ZMYND11: variants seen among roughly 807,000 people sequenced by gnomAD.
ZMYND11 encodes zinc finger MYND-type containing 11.
ZMYND11 carries 9 observed loss-of-function variants against 84.9 expected under a neutral mutation model. The ratio of observed to expected loss-of-function variants is 0.11; its 90% CI spans 0.06 to 0.18. ZMYND11 has a LOEUF of 0.18. Among genes scored for constraint, ZMYND11 ranks in the 10% least tolerant of loss-of-function variants. ZMYND11 has a pLI of 1.00. For missense variants in ZMYND11, 409 were observed against 761.0 expected, an observed-to-expected ratio of 0.54 and a Z score of 5.44; for synonymous variants, 250 against 244.1, an observed-to-expected ratio of 1.02 and a Z score of -0.23.
At chr10:246,238 A>G (rs1952128690) in intron 10 of ZMYND11, among the ~76,000 whole-genome samples, 1 of 152,240 alleles carries the variant, frequency 6.6e-6, no homozygotes, top group Admixed American at 6.5e-5. Flanking sequence ...GCATGATACA[A>G]ATATGACTTA....
rs1471461716 is a variant in ZMYND11 at position 135,998 on chromosome 10, C to T, written c.-20+439C>T. Among the ~76,000 whole-genome samples, 14 of 151,090 alleles carry T rather than the reference C, an allele frequency of 9.3e-5. No homozygotes were observed. Among genetic ancestry groups the T allele is most frequent in the African/African-American group, 3.4e-4 (14 of 41,500 alleles). On this transcript the variant is annotated intron_variant, in intron 1 of 14. Transcript: ENST00000381604. The surrounding 1 kb of genome is among the most constrained non-coding windows in gnomAD (Gnocchi z 5.6). Reference sequence around the variant, plus strand: ...GGGGAACGCGGCTCCGGGCGTGTGGCGGGCGGAGAGGAAGCGTTTGTCGGC... The same window carrying T: ...GGGGAACGCGGCTCCGGGCGTGTGGTGGGCGGAGAGGAAGCGTTTGTCGGC...
chr10:200,362 A>G (rs1260326977), intron 2 of ZMYND11, among the ~76,000 whole-genome samples: 2 of 146,442 alleles, frequency 1.4e-5, no homozygotes, highest in African/African-American at 5.0e-5. Context: ...ATATGTGTAT[A>G]TATGTGTATA....
chr10:213,974 A>G (rs987237797), intron 3 of ZMYND11, among the ~76,000 whole-genome samples: 1 of 152,160 alleles, frequency 6.6e-6, no homozygotes, highest in South Asian at 2.1e-4. Flanking sequence ...TAACTATATA[A>G]TATGTCAGGA....
chr10:248,808 G>A, intron 13 of ZMYND11, 95 bp from the exon 14 acceptor site: 2 of 1,468,066 alleles, frequency 1.4e-6, no homozygotes, highest in Non-Finnish European at 1.8e-6. Context: ...GGGAAAAAAG[G>A]TACCTCATGC....
intron 4 of ZMYND11, among the ~76,000 whole-genome samples, chr10:231,556 C>T (rs1344216705): frequency 1.3e-5 from 2 of 152,058 alleles, no homozygotes; most frequent in South Asian, 2.1e-4. Flanking sequence ...TCCTGAATGC[C>T]CCTTTAAGTA....
At chr10:136,329 G>C (rs575957707) in intron 1 of ZMYND11, among the ~76,000 whole-genome samples, 28 of 152,340 alleles carry the variant, frequency 1.8e-4, no homozygotes, top group African/African-American at 6.5e-4. Flanking sequence ...CGATGTGTGC[G>C]CCGTGCCCGG....
rs1433775253 is a variant in ZMYND11, at chr10:248,324, C to A, written c.1228-12C>A. On this transcript the variant is annotated splice_polypyrimidine_tract_variant and intron_variant, in intron 12 of 14. Transcript: ENST00000381604. ...CTTCGTTTGGCGTCTAAACTCTTGT[C>A]TCACCTTTTAGGAACCAGAGCCTGA... is the stretch of plus-strand genomic sequence containing the variant. 1.2e-6 allele frequency: 2 copies of A among 1,610,364 alleles called. No individual in the cohort carries two copies.
chr10:153,209 C>T (rs1840842620), intron 1 of ZMYND11, among the ~76,000 whole-genome samples: 3 of 152,138 alleles, frequency 2.0e-5, no homozygotes, highest in Admixed American at 2.0e-4. Context: ...TGTTATACAA[C>T]CTACAAATTA....
chr10:234,804 A>G (rs923767865), intron 4 of ZMYND11, among the ~76,000 whole-genome samples: 3 of 152,200 alleles, frequency 2.0e-5, no homozygotes, highest in Admixed American at 6.5e-5. Context: ...CAAACTGCTT[A>G]CTTAGTACAG....
At chr10:224,100 T>C (rs1268799849) in intron 4 of ZMYND11, among the ~76,000 whole-genome samples, 1 of 152,168 alleles carries the variant, frequency 6.6e-6, no homozygotes, top group Admixed American at 6.5e-5. Flanking sequence ...AAGAAGCCCT[T>C]TTCTAAGAGT....
intron 1 of ZMYND11, among the ~76,000 whole-genome samples, chr10:156,699 A>G (rs1841799938): frequency 6.6e-6 from 1 of 152,218 alleles, no homozygotes; most frequent in African/African-American, 2.4e-5. Flanking sequence ...TTGGAAGTAA[A>G]CTAGTGGATT....
intron 4 of ZMYND11, among the ~76,000 whole-genome samples, chr10:235,739 G>A (rs1236068950): frequency 6.6e-6 from 1 of 152,260 alleles, no homozygotes; most frequent in Non-Finnish European, 1.5e-5. Flanking sequence ...GGCACTGACT[G>A]CGTTGCCAGA....
intron 1 of ZMYND11, among the ~76,000 whole-genome samples, chr10:156,574 CT>C (rs1319916575): frequency 6.6e-6 from 1 of 152,110 alleles, no homozygotes; most frequent in Admixed American, 6.5e-5. Context: ...ATGCTATATG[CT>C]TTAAAGTTCT....
rs1944265777 is a variant in ZMYND11 at position 206,836 on chromosome 10, T to C, written c.117-3053T>C. ...CTTAGAAATGTTTTAATTTTTATTT[T>C]TTTAATTTTTTTATTATTATTATAC... On this transcript the variant is annotated intron_variant, in intron 2 of 14. Transcript: ENST00000381604. Among the ~76,000 whole-genome samples, 4 of 152,074 alleles carry C rather than the reference T, an allele frequency of 2.6e-5. No homozygotes were observed. The South Asian group carries it at 8.3e-4, about 32-fold the overall frequency.
chr10:233,728 C>A (rs566222042), intron 4 of ZMYND11, among the ~76,000 whole-genome samples: 2 of 152,292 alleles, frequency 1.3e-5, no homozygotes, highest in African/African-American at 4.8e-5. Flanking sequence ...GATGCTCTAG[C>A]AAACTAGTTC....
At chr10:213,969 A>G (rs1227381922) in intron 3 of ZMYND11, among the ~76,000 whole-genome samples, 1 of 152,314 alleles carries the variant, frequency 6.6e-6, no homozygotes, top group Non-Finnish European at 1.5e-5. Flanking sequence ...AAGCCTAACT[A>G]TATAATATGT....
At chr10:243,361 CAGTTAACTT>C (rs1951438389) in intron 10 of ZMYND11, among the ~76,000 whole-genome samples, 1 of 152,264 alleles carries the variant, frequency 6.6e-6, no homozygotes, top group East Asian at 1.9e-4. Context: ...AAATAAAACA[CAGTTAACTT>C]AGAAAAAACA....
chr10:211,758 G>A (rs1049782366), intron 3 of ZMYND11, among the ~76,000 whole-genome samples: 2 of 152,136 alleles, frequency 1.3e-5, no homozygotes, highest in Non-Finnish European at 2.9e-5. Flanking sequence ...AAAGTTAAGT[G>A]GAAATCTTTA....
chr10:246,763 T>C lies in ZMYND11; in HGVS notation c.951-3T>C. 1 of 1,614,036 alleles carries C rather than the reference T, an allele frequency of 6.2e-7. No homozygotes were observed. Among genetic ancestry groups the C allele is most frequent in the Non-Finnish European group, 8.5e-7 (1 of 1,179,954 alleles). ...TAACTATACCTTTATGTGTTTTTCC[T>C]AGGGCCTGGATTCCTTCTGAAAACA... On this transcript the variant is annotated splice_polypyrimidine_tract_variant and splice_region_variant and intron_variant, in intron 10 of 14. Transcript: ENST00000381604.
Sources: allele counts gnomAD v4.1 joint callset (sites outside exome capture counted in the v4.1 genomes callset), GRCh38; gene constraint gnomAD v4.1.1; non-coding constraint Gnocchi (gnomAD v3.1); transcripts MANE v1.5; gene names NCBI Gene and HGNC (gene_info 2026-07-23, HGNC 2026-07-21).